The following ULK2 variants were observed in gnomAD, a reference collection of about 807,000 sequenced individuals.
ULK2 encodes the protein serine/threonine-protein kinase ULK2.
In ULK2, 76 loss-of-function variants were observed where a neutral mutation model predicts 127.5. That is an observed-to-expected ratio of 0.60 (90% CI 0.50 to 0.72). The LOEUF (loss-of-function observed/expected upper bound fraction) is 0.72. Ranked by LOEUF, ULK2 falls within the 30% of genes least tolerant of loss-of-function variation. ULK2 has a pLI of 0.00. For missense variants in ULK2, 1,144 were observed against 1,295.9 expected (o/e 0.88, Z 1.80); for synonymous variants, 452 against 461.9 (o/e 0.98, Z 0.28).
chr17:19,835,984 G>C (rs1761347405), intron 10 of ULK2, among the ~76,000 whole-genome samples: 2 of 151,078 alleles, frequency 1.3e-5, no homozygotes, highest in African/African-American at 4.9e-5. Flanking sequence ...TTAGCCGACT[G>C]GGCCGCGCCC....
chr17:19,819,280 C>G (rs1258516261), intron 12 of ULK2, among the ~76,000 whole-genome samples: 1 of 152,162 alleles, frequency 6.6e-6, no homozygotes, highest in East Asian at 1.9e-4. Flanking sequence ...ACTTTTTGCT[C>G]CATCTGTACT....
Position 19,846,831 on chromosome 17 carries a change from T to C in ULK2, c.375A>G (p.Lys125=). Residue 125 remains lysine, a synonymous_variant, in exon 6 of 27, where the codon AAA becomes AAG. Coordinates refer to ENST00000395544, the MANE Select transcript of ULK2 (RefSeq NM_014683.4). ...GTTTGAGATCTCTGTGGATGATTCC[T>C]TTGCTGTGCAGGATTCGCATGGCAG... The part of the protein sequence containing the change: ...IAAAMRILHS[K]GIIHRDLKPQ... 3 of 1,614,084 alleles carry C rather than the reference T, an allele frequency of 1.9e-6. No homozygotes were observed. The highest frequency in any genetic ancestry group is 2.5e-6 in the Non-Finnish European group (3 of 1,179,990).
At chr17:19,858,282 C>T (rs554740293) in intron 3 of ULK2, among the ~76,000 whole-genome samples, 3 of 152,004 alleles carry the variant, frequency 2.0e-5, no homozygotes, top group Non-Finnish European at 4.4e-5. Context: ...TGCCTGTAGT[C>T]CCAGATACTT....
At position 19,801,888 on chromosome 17, in the gene ULK2, TGGGGCTGGTG is replaced by T; in HGVS notation, c.1320_1329del (p.Asn440LysfsTer178). The T allele has an allele frequency of 1.2e-6, 2 of 1,613,920 alleles. No homozygotes were observed. ...CATGATCCCGGCCGGAGGAAGCCCA[TGGGGCTGGTG>T]TTGGACCTTCGTACCACTGCAGATC... On this transcript the variant is annotated frameshift_variant, in exon 16 of 27. Coordinates refer to ENST00000395544, the MANE Select transcript of ULK2 (RefSeq NM_014683.4). LOFTEE classifies it high-confidence loss of function.
chr17:19,838,384 A>C, intron 10 of ULK2, 117 bp downstream of exon 10: 1 of 888,908 alleles, frequency 1.1e-6, no homozygotes, highest in Non-Finnish European at 1.7e-6. Context: ...AGTGAAGGAA[A>C]TAAACAAAAA....
At position 19,771,756 on chromosome 17, in the gene ULK2, T is replaced by C. The variant is rs752743999; in HGVS notation, c.*4593A>G. On this transcript the variant is annotated 3_prime_UTR_variant, in exon 27 of 27. Coordinates refer to ENST00000395544, the MANE Select transcript of ULK2 (RefSeq NM_014683.4). ...CAACTGCACATGGTGGAGCTGGAAT[T>C]TGAGACCAAGTGGACCACTAAGCTA... The C allele has an allele frequency of 1.3e-5, 2 of 152,222 alleles. No homozygotes were observed. The highest frequency in any genetic ancestry group is 2.4e-5 in the African/African-American group (1 of 41,434). The allele number at this position is 152,222 out of a possible 1,614,324, so 9.4% of individuals were successfully genotyped here.
At chr17:19,848,194 T>C (rs1242436416) in intron 5 of ULK2, 1 of 152,216 alleles carries the variant, frequency 6.6e-6, no homozygotes, top group Non-Finnish European at 1.5e-5. Flanking sequence ...CATATTTCAA[T>C]GTAGCAGGTA....
chr17:19,831,697 G>A (rs527287925), intron 10 of ULK2, among the ~76,000 whole-genome samples: 106 of 151,492 alleles, frequency 7.0e-4, no homozygotes, highest in Admixed American at 6.5e-3. Flanking sequence ...CGTGGTGGTG[G>A]GCACCTGTAA....
intron 20 of ULK2, among the ~76,000 whole-genome samples, chr17:19,786,654 C>T (rs924596167): frequency 2.2e-4 from 33 of 150,268 alleles, no homozygotes; most frequent in African/African-American, 7.8e-4. Context: ...GCAGAGGTTG[C>T]AGTGAGCTGA....
chr17:19,807,743 A>G (rs1319425217), intron 14 of ULK2, among the ~76,000 whole-genome samples: 2 of 152,212 alleles, frequency 1.3e-5, no homozygotes, highest in Admixed American at 6.5e-5. Context: ...CAAAGAGAGG[A>G]AAGAAACAAG....
chr17:19,865,159 A>C (rs77277185), intron 2 of ULK2, among the ~76,000 whole-genome samples: 23 of 152,336 alleles, frequency 1.5e-4, no homozygotes, highest in Non-Finnish European at 2.9e-4. Flanking sequence ...CACCAGGTTA[A>C]GTACTTTGAA....
chr17:19,851,562 C>T (rs965242100), intron 3 of ULK2, among the ~76,000 whole-genome samples: 3 of 151,706 alleles, frequency 2.0e-5, no homozygotes, highest in Admixed American at 1.3e-4. Context: ...ATCGCTTGAG[C>T]CTGGGAGGTG....
At chr17:19,830,735 G>A (rs544299889) in intron 10 of ULK2, among the ~76,000 whole-genome samples, 4 of 151,564 alleles carry the variant, frequency 2.6e-5, no homozygotes, top group African/African-American at 9.7e-5. Context: ...ACACTATAAA[G>A]AACTACTTGA....
At chr17:19,845,442 A>C in intron 6 of ULK2, 65 bp from the exon 7 acceptor site, 1 of 1,242,940 alleles carries the variant, frequency 8.0e-7, no homozygotes, top group Non-Finnish European at 1.2e-6. Context: ...CATATATCAT[A>C]TGATTCTTCG....
chr17:19,786,713 CAAAA>C (rs71157831), intron 20 of ULK2, among the ~76,000 whole-genome samples: 12 of 127,846 alleles, frequency 9.4e-5, no homozygotes, highest in Non-Finnish European at 1.0e-4. Flanking sequence ...GGCTCCGTCT[CAAAA>C]AAAAAAAAAA....
At chr17:19,860,027 T>C (rs1413159455) in intron 3 of ULK2, among the ~76,000 whole-genome samples, 2 of 152,168 alleles carry the variant, frequency 1.3e-5, no homozygotes, top group African/African-American at 4.8e-5. Flanking sequence ...ACTATACTGA[T>C]TATGAAAAGG....
chr17:19,845,658 A>G (rs2041863389), intron 6 of ULK2, among the ~76,000 whole-genome samples: 1 of 152,094 alleles, frequency 6.6e-6, no homozygotes, highest in African/African-American at 2.4e-5. Context: ...TAGCTCATTA[A>G]TACAGTTTTC....
chr17:19,824,874 G>T (rs952170429), intron 12 of ULK2, among the ~76,000 whole-genome samples: 5 of 152,220 alleles, frequency 3.3e-5, no homozygotes, highest in African/African-American at 1.2e-4. Flanking sequence ...AAATGGCCCA[G>T]AGAGGTGACA....
intron 21 of ULK2, among the ~76,000 whole-genome samples, chr17:19,785,700 T>A (rs891256305): frequency 6.6e-6 from 1 of 151,930 alleles, no homozygotes; most frequent in Admixed American, 6.6e-5. Flanking sequence ...ATACAACATA[T>A]ATTTATATTT....
Sources: gnomAD v4.1 joint callset for allele counts (sites outside exome capture counted in the v4.1 genomes callset) on GRCh38, gnomAD v4.1.1 for gene constraint, MANE v1.5 for transcripts, NCBI Gene and HGNC (gene_info 2026-07-23, HGNC 2026-07-21) for gene names.